The following FBLN5 variants were observed in gnomAD, a reference collection of about 807,000 sequenced individuals.
The protein encoded by FBLN5 is fibulin-5.
A neutral mutation model predicts 61.6 loss-of-function variants in FBLN5; 24 were observed. The ratio of observed to expected loss-of-function variants is 0.39; its 90% confidence interval spans 0.28 to 0.55. The LOEUF (loss-of-function observed/expected upper bound fraction) is 0.55. Among genes scored for constraint, FBLN5 ranks in the 20% least tolerant of loss-of-function variants. The probability of loss-of-function intolerance (pLI) is 0.65; values close to 1 mark genes in which losing one functional copy is unlikely to be tolerated. For missense variants in FBLN5, 470 were observed against 594.1 expected (o/e 0.79, Z 2.17); for synonymous variants, 213 against 219.8 (o/e 0.97, Z 0.27).
intron 10 of FBLN5, among the ~76,000 whole-genome samples, chr14:91,873,236 G>C (rs1306126364): frequency 6.6e-6 from 1 of 152,226 alleles, no homozygotes; most frequent in Non-Finnish European, 1.5e-5. Context: ...GTGGGCATTA[G>C]TAGGCTTGGT....
At chr14:91,909,517 T>C (rs1264450779) in intron 4 of FBLN5, among the ~76,000 whole-genome samples, 1 of 152,152 alleles carries the variant, frequency 6.6e-6, no homozygotes, top group Non-Finnish European at 1.5e-5. Flanking sequence ...CTAAAATTCT[T>C]AGGTCGATTA....
At chr14:91,937,357 G>T (rs894155574) in intron 3 of FBLN5, among the ~76,000 whole-genome samples, 156 bp from the exon 4 acceptor site, 3 of 152,100 alleles carry the variant, frequency 2.0e-5, no homozygotes, top group African/African-American at 7.2e-5. Flanking sequence ...AATGTTGGCT[G>T]AAGTGTATCA....
At chr14:91,876,644 A>G (rs1414039567) in intron 10 of FBLN5, among the ~76,000 whole-genome samples, 1 of 152,152 alleles carries the variant, frequency 6.6e-6, no homozygotes, top group Non-Finnish European at 1.5e-5. Flanking sequence ...GGAGTGATGC[A>G]GCCACAGTCA....
intron 9 of FBLN5, among the ~76,000 whole-genome samples, chr14:91,879,570 C>T (rs574542837): frequency 2.6e-5 from 4 of 152,146 alleles, no homozygotes; most frequent in Non-Finnish European, 5.9e-5. Flanking sequence ...CAGCCACAGA[C>T]GGGGTGGCCT....
chr14:91,881,191 C>A, intron 9 of FBLN5, 101 bp downstream of exon 9: 1 of 1,377,786 alleles, frequency 7.3e-7, no homozygotes. Context: ...GCCAGGTCCC[C>A]TCACTTCCTG....
At chr14:91,935,430 C>T (rs1029058041) in intron 4 of FBLN5, among the ~76,000 whole-genome samples, 3 of 152,248 alleles carry the variant, frequency 2.0e-5, no homozygotes, top group African/African-American at 7.2e-5. Flanking sequence ...ACACCCTCTT[C>T]CTCACCTCAA....
chr14:91,898,832 C>G (rs1280896697), intron 4 of FBLN5, among the ~76,000 whole-genome samples: 1 of 125,830 alleles, frequency 7.9e-6, no homozygotes, highest in Admixed American at 9.3e-5. Context: ...GACGGAATCT[C>G]GCTCTGTCGC....
At chr14:91,946,354 C>T (rs531346719) in intron 1 of FBLN5, among the ~76,000 whole-genome samples, 31 of 152,042 alleles carry the variant, frequency 2.0e-4, no homozygotes, top group African/African-American at 7.5e-4. Context: ...CAGGTTGGTG[C>T]TCATAACCGG....
intron 2 of FBLN5, among the ~76,000 whole-genome samples, chr14:91,942,473 G>A (rs1258840863): frequency 1.3e-5 from 2 of 152,234 alleles, no homozygotes; most frequent in African/African-American, 4.8e-5. Context: ...CAACACTGAA[G>A]GTAGGTTGAG....
intron 4 of FBLN5, among the ~76,000 whole-genome samples, chr14:91,928,823 C>T (rs1305660274): frequency 1.3e-5 from 2 of 152,072 alleles, no homozygotes; most frequent in Admixed American, 1.3e-4. Flanking sequence ...CTTTGGGAGG[C>T]ACAGGTGGGC....
chr14:91,882,862 CAT>C lies in FBLN5; in HGVS notation c.862+90_862+91del. 1.4e-6 allele frequency: 2 copies of C among 1,475,304 alleles called. No homozygotes were observed. The highest frequency in any genetic ancestry group is 2.0e-4 in the Middle Eastern group (1 of 4,894). The allele number at this position is 1,475,304 out of a possible 1,614,324, so 91.4% of individuals were successfully genotyped here. A position where few individuals can be genotyped will look rare whatever the true frequency, so the allele number is the denominator to read the frequency against. Reference sequence around the variant, plus strand: ...CCCCTGCCACCTTCCCAAAGCTGCACATGATTCCCCAGGTGAGGATATCCAGA... The same window carrying C: ...CCCCTGCCACCTTCCCAAAGCTGCACGATTCCCCAGGTGAGGATATCCAGA... On this transcript the variant is annotated intron_variant, in intron 8 of 10. Transcript: ENST00000342058. The surrounding 1 kb of genome is among the most constrained non-coding windows in gnomAD (Gnocchi z 4.9).
chr14:91,912,307 A>G (rs1890982311), intron 4 of FBLN5, among the ~76,000 whole-genome samples: 1 of 152,118 alleles, frequency 6.6e-6, no homozygotes, highest in Non-Finnish European at 1.5e-5. Flanking sequence ...GACCAGCCTG[A>G]GCAACATAGC....
At chr14:91,891,458 G>A (rs949928902) in intron 5 of FBLN5, 121 bp from the exon 6 acceptor site, 1 of 768,656 alleles carries the variant, frequency 1.3e-6, no homozygotes, top group African/African-American at 1.7e-5. Flanking sequence ...AATGGGAACA[G>A]GAGCCAAGAC....
At chr14:91,880,650 C>T (rs577077500) in intron 9 of FBLN5, among the ~76,000 whole-genome samples, 41 of 152,098 alleles carry the variant, frequency 2.7e-4, no homozygotes, top group South Asian at 8.3e-4. Context: ...CAGGTTCAAG[C>T]GATTCTCATG....
intron 4 of FBLN5, among the ~76,000 whole-genome samples, chr14:91,908,444 G>A (rs1890775212): frequency 6.6e-6 from 1 of 152,170 alleles, no homozygotes; most frequent in South Asian, 2.1e-4. Flanking sequence ...TTGGTTTGGG[G>A]ACTTCTCAAA....
chr14:91,945,510 G>C (rs921418956), intron 1 of FBLN5, among the ~76,000 whole-genome samples: 2 of 152,152 alleles, frequency 1.3e-5, no homozygotes, highest in Admixed American at 1.3e-4. Context: ...GATCTTGAAG[G>C]CTTCTTCAAC....
At chr14:91,938,656 C>T (rs2056058653) in intron 3 of FBLN5, among the ~76,000 whole-genome samples, 1 of 152,050 alleles carries the variant, frequency 6.6e-6, no homozygotes. Flanking sequence ...TGCTAGGGTA[C>T]AGACAGGGGA....
chr14:91,932,168 T>C (rs981753311), intron 4 of FBLN5, among the ~76,000 whole-genome samples: 2 of 152,222 alleles, frequency 1.3e-5, no homozygotes, highest in Non-Finnish European at 2.9e-5. Context: ...CACACTCTAA[T>C]GAGCCATGAG....
At chr14:91,918,580 A>T (rs185016573) in intron 4 of FBLN5, among the ~76,000 whole-genome samples, 2 of 152,364 alleles carry the variant, frequency 1.3e-5, no homozygotes, top group Admixed American at 1.3e-4. Context: ...ACTGGGGCCA[A>T]ACAAGGATGG....
Sources: gnomAD v4.1 joint callset for allele counts (sites outside exome capture counted in the v4.1 genomes callset) on GRCh38, gnomAD v4.1.1 for gene constraint, Gnocchi (gnomAD v3.1) non-coding constraint, MANE v1.5 for transcripts, NCBI Gene and HGNC (gene_info 2026-07-23, HGNC 2026-07-21) for gene names.